The following GRIK3 variants were observed in gnomAD, a reference collection of about 807,000 sequenced individuals.
GRIK3 encodes glutamate ionotropic receptor kainate type subunit 3.
GRIK3 carries 29 observed loss-of-function variants against 102.5 expected under a neutral mutation model. The ratio of observed to expected loss-of-function variants is 0.28; its 90% CI spans 0.21 to 0.39. GRIK3 has a LOEUF of 0.39. Among genes scored for constraint, GRIK3 ranks in the 10% least tolerant of loss-of-function variants. The pLI, the probability that GRIK3 is intolerant of heterozygous loss-of-function variation, is 1.00. For synonymous variants in GRIK3, 511 were observed against 504.9 expected, an observed-to-expected ratio of 1.01 and a Z score of -0.16; for missense variants, 908 against 1,252.4, an observed-to-expected ratio of 0.73 and a Z score of 4.15.
chr1:37,031,714 G>T (rs144583580), intron 1 of GRIK3, among the ~76,000 whole-genome samples: 1 of 152,384 alleles, frequency 6.6e-6, no homozygotes, highest in African/African-American at 2.4e-5. Context: ...GGGATGGGGG[G>T]GATGGGAAAA....
chr1:36,963,825 T>C (rs928166729), intron 1 of GRIK3, among the ~76,000 whole-genome samples: 2 of 152,196 alleles, frequency 1.3e-5, no homozygotes, highest in African/African-American at 2.4e-5. Flanking sequence ...CACCTCTGCA[T>C]TGAATGGCTG....
At chr1:36,961,413 G>A (rs1317472320) in intron 1 of GRIK3, among the ~76,000 whole-genome samples, 2 of 152,036 alleles carry the variant, frequency 1.3e-5, no homozygotes, top group Non-Finnish European at 2.9e-5. Context: ...AAAAAAAGCA[G>A]AAGAGAGAGG....
chr1:36,975,510 G>T (rs1642187215), intron 1 of GRIK3, among the ~76,000 whole-genome samples: 2 of 152,094 alleles, frequency 1.3e-5, no homozygotes, highest in African/African-American at 4.8e-5. Flanking sequence ...TAGCCAGTAT[G>T]GTCTCGATCT....
chr1:36,981,156 C>T (rs937195600), intron 1 of GRIK3, among the ~76,000 whole-genome samples: 1 of 152,210 alleles, frequency 6.6e-6, no homozygotes, highest in Non-Finnish European at 1.5e-5. Context: ...GGGATTTAAA[C>T]CCAGGCAGTC....
At chr1:36,854,062 C>A (rs1640619143) in intron 7 of GRIK3, among the ~76,000 whole-genome samples, 1 of 152,162 alleles carries the variant, frequency 6.6e-6, no homozygotes, top group African/African-American at 2.4e-5. Context: ...CAGAGTAGGG[C>A]AGGTGAGGCC....
Position 37,034,037 on chromosome 1 carries a change from G to C in GRIK3, c.72C>G (p.Phe24Leu), listed in dbSNP as rs776817155. ...GCATCCCGCGCGAGTCCGGGATCCA[G>C]AAGGCGCACACGAGGAGCCCGGCCC... is the stretch of plus-strand genomic sequence containing the variant. ...EYWAGLLVCA[F>L]WIPDSRGMPH... is the part of the protein sequence containing the mutation. The change falls in exon 1 of 16, where the codon TTC becomes TTG. Residue 24 changes from phenylalanine to leucine, a missense_variant. Coordinates refer to ENST00000373091, the MANE Select transcript of GRIK3 (RefSeq NM_000831.4). The C allele has an allele frequency of 2.9e-5, 47 of 1,606,466 alleles. No individual in the cohort carries two copies. Among genetic ancestry groups the C allele is most frequent in the Non-Finnish European group, 3.8e-5 (45 of 1,177,260 alleles).
In GRIK3 at chr1:36,880,420, G is replaced by GTGCGCTGGGGCTGA. The variant is rs1173873890; in HGVS notation, c.550+200_550+213dup. Among the ~76,000 whole-genome samples the GTGCGCTGGGGCTGA allele has an allele frequency of 1.3e-5, 2 of 152,178 alleles. No individual in the cohort carries two copies. Among genetic ancestry groups the GTGCGCTGGGGCTGA allele is most frequent in the African/African-American group, 4.8e-5 (2 of 41,430 alleles). On this transcript the variant is annotated intron_variant, in intron 3 of 15. Coordinates refer to ENST00000373091, the MANE Select transcript of GRIK3 (RefSeq NM_000831.4). The surrounding 1 kb of genome is among the most constrained non-coding windows in gnomAD (Gnocchi z 5.4). ...GAGCTGAGTGTGAGGCAGGGGTGAG[G>GTGCGCTGGGGCTGA]TGCGCTGGGGCTGAGTGAGATATGA...
At chr1:36,896,229 A>AT (rs1641170063) in intron 1 of GRIK3, among the ~76,000 whole-genome samples, 1 of 152,184 alleles carries the variant, frequency 6.6e-6, no homozygotes, top group African/African-American at 2.4e-5. Flanking sequence ...AATTTAAAAA[A>AT]TGTATTTTTC....
chr1:36,808,083 C>T (rs1642520345), intron 13 of GRIK3, among the ~76,000 whole-genome samples: 1 of 152,260 alleles, frequency 6.6e-6, no homozygotes, highest in Non-Finnish European at 1.5e-5. Flanking sequence ...CTCAGTGCTT[C>T]CTGTGGCCCA....
intron 1 of GRIK3, among the ~76,000 whole-genome samples, chr1:36,910,656 G>A (rs1023897532): frequency 2.6e-5 from 4 of 152,242 alleles, no homozygotes; most frequent in African/African-American, 7.2e-5. Flanking sequence ...CCAGTGAAAC[G>A]GTCCAGGGAT....
intron 1 of GRIK3, among the ~76,000 whole-genome samples, chr1:36,911,066 C>T (rs1369947045): frequency 6.6e-6 from 1 of 152,128 alleles, no homozygotes; most frequent in Non-Finnish European, 1.5e-5. Context: ...CCAGCAGGGG[C>T]ACTGGCCTTG....
intron 1 of GRIK3, among the ~76,000 whole-genome samples, chr1:37,011,165 C>A (rs142194074): frequency 3.4e-3 from 518 of 152,288 alleles, no homozygotes; most frequent in African/African-American, 0.011. Flanking sequence ...GTCAGGGTGG[C>A]CACGTTTAAA....
chr1:36,941,313 G>A (rs1046504253), intron 1 of GRIK3, among the ~76,000 whole-genome samples: 1 of 152,194 alleles, frequency 6.6e-6, no homozygotes, highest in African/African-American at 2.4e-5. Context: ...GCCTCTTCAT[G>A]CAAATTAAAT....
chr1:36,861,384 G>T (rs932164572), intron 5 of GRIK3, among the ~76,000 whole-genome samples: 1 of 152,106 alleles, frequency 6.6e-6, no homozygotes, highest in African/African-American at 2.4e-5. Context: ...TCACTAAGCT[G>T]CCCTCCTTCT....
intron 10 of GRIK3, among the ~76,000 whole-genome samples, chr1:36,837,550 C>T (rs1640395110): frequency 6.6e-6 from 1 of 152,126 alleles, no homozygotes; most frequent in South Asian, 2.1e-4. Context: ...CATACTGGCT[C>T]AGGTTTGGCA....
chr1:36,828,480 A>G (rs940311241), intron 10 of GRIK3, among the ~76,000 whole-genome samples: 2 of 152,238 alleles, frequency 1.3e-5, no homozygotes, highest in African/African-American at 4.8e-5. Flanking sequence ...TATTCAGTAG[A>G]GTAGCATGCT....
Position 36,887,769 on chromosome 1 carries a change from A to AT in GRIK3, c.292+3150_292+3151insA, listed in dbSNP as rs1491580653. 1.0e-2 allele frequency among the ~76,000 whole-genome samples: 898 copies of AT among 90,154 alleles called. 5 individuals are homozygous for AT. The highest frequency in any genetic ancestry group is 0.03 in the African/African-American group (782 of 26,304). 59.1% of individuals were successfully genotyped at this position (90,154 alleles called of 152,430 possible). A position where few individuals can be genotyped will look rare whatever the true frequency, so the allele number is the denominator to read the frequency against. On this transcript the variant is annotated intron_variant, in intron 2 of 15. Transcript: ENST00000373091. ...GAAATTCCATCTCAAAAAAAAAAAA[A>AT]AAATATATATATATATATATAGTGA...
At chr1:36,975,288 G>GTTTTTTGTTTTTTTTTTTTTTTTTT (rs1642183362) in intron 1 of GRIK3, among the ~76,000 whole-genome samples, 1 of 113,372 alleles carries the variant, frequency 8.8e-6, no homozygotes, top group Admixed American at 9.1e-5. Flanking sequence ...TCTAAAGTTG[G>GTTTTTTGTTTTTTTTTTTTTTTTTT]TTTTTTTTTT....
At chr1:36,942,839 G>A (rs756668148) in intron 1 of GRIK3, among the ~76,000 whole-genome samples, 1 of 152,120 alleles carries the variant, frequency 6.6e-6, no homozygotes, top group Non-Finnish European at 1.5e-5. Context: ...AGGTGAAGCT[G>A]GCAGCCCAGG....
Sources: gnomAD v4.1 joint callset for allele counts (sites outside exome capture counted in the v4.1 genomes callset) on GRCh38, gnomAD v4.1.1 for gene constraint, Gnocchi (gnomAD v3.1) non-coding constraint, MANE v1.5 for transcripts, NCBI Gene and HGNC (gene_info 2026-07-23, HGNC 2026-07-21) for gene names.